Variants in DENND5B observed in about 807,000 individuals in gnomAD.
DENND5B encodes the protein DENN domain-containing protein 5B.
Under a neutral mutation model 140.6 loss-of-function variants are expected in DENND5B, and 34 were observed. That is an observed-to-expected ratio of 0.24 (90% CI 0.18 to 0.32). The LOEUF (loss-of-function observed/expected upper bound fraction) is 0.32, where lower values mean the gene tolerates loss of function less well. DENND5B is among the 10% of genes least tolerant of loss of function. DENND5B has a pLI of 1.00. For synonymous variants in DENND5B, 551 were observed against 562.1 expected (o/e 0.98, Z 0.28); for missense variants, 1,142 against 1,560.2 (o/e 0.73, Z 4.52).
chr12:31,535,040 C>T lies in DENND5B; in HGVS notation c.128-39121G>A, dbSNP rs1948433329. 2.8e-5 allele frequency: 6 copies of T among 210,926 alleles called. No homozygotes were observed. The South Asian group carries it at 3.4e-4, about 12-fold the overall frequency. 13.1% of individuals were successfully genotyped at this position (210,926 alleles called of 1,614,324 possible). ...AGTGAGCGCAGATTGCACCACTGCACCCAAGCCTGGGTGACAGAGCAAGAC... is the reference window on the plus strand; with the variant it reads ...AGTGAGCGCAGATTGCACCACTGCATCCAAGCCTGGGTGACAGAGCAAGAC... On this transcript the variant is annotated intron_variant, in intron 1 of 20. Transcript: ENST00000389082.
At chr12:31,463,751 T>TGAG (rs1323249032) in intron 3 of DENND5B, among the ~76,000 whole-genome samples, 1 of 152,170 alleles carries the variant, frequency 6.6e-6, no homozygotes, top group South Asian at 2.1e-4. Flanking sequence ...AACCTCCACT[T>TGAG]CCTGGGTTCA....
intron 1 of DENND5B, among the ~76,000 whole-genome samples, chr12:31,524,944 G>C (rs555512268): frequency 1.3e-5 from 2 of 152,166 alleles, no homozygotes; most frequent in African/African-American, 4.8e-5. Flanking sequence ...TACACCTCAT[G>C]AGAACATACA....
chr12:31,547,705 A>C (rs535855595), intron 1 of DENND5B, among the ~76,000 whole-genome samples: 8 of 151,410 alleles, frequency 5.3e-5, no homozygotes, highest in Non-Finnish European at 1.0e-4. Flanking sequence ...TCAAACTAAA[A>C]AGTTTGTTTT....
chr12:31,523,804 G>A (rs755635524), intron 1 of DENND5B, among the ~76,000 whole-genome samples: 38 of 152,162 alleles, frequency 2.5e-4, no homozygotes, highest in Non-Finnish European at 4.9e-4. Context: ...TGACACACTG[G>A]TTCTATAATG....
At chr12:31,570,884 G>A (rs1949800924) in intron 1 of DENND5B, among the ~76,000 whole-genome samples, 1 of 151,990 alleles carries the variant, frequency 6.6e-6, no homozygotes, top group African/African-American at 2.4e-5. Context: ...CTCATTTACA[G>A]AAAGGGTGAG....
At chr12:31,584,297 C>G (rs1407811455) in intron 1 of DENND5B, among the ~76,000 whole-genome samples, 1 of 152,216 alleles carries the variant, frequency 6.6e-6, no homozygotes, top group Non-Finnish European at 1.5e-5. Flanking sequence ...CCCTTGTCTT[C>G]CCAGTTGTCT....
intron 3 of DENND5B, among the ~76,000 whole-genome samples, chr12:31,467,478 A>G (rs1329762408): frequency 6.6e-6 from 1 of 151,930 alleles, no homozygotes; most frequent in Non-Finnish European, 1.5e-5. Flanking sequence ...AAAAAAAAAA[A>G]GTAAGAAAAA....
At chr12:31,546,160 T>C (rs1166373680) in intron 1 of DENND5B, among the ~76,000 whole-genome samples, 1 of 151,972 alleles carries the variant, frequency 6.6e-6, no homozygotes, top group African/African-American at 2.4e-5. Context: ...AGAAACTATA[T>C]ATATATGCTA....
At chr12:31,581,693 CAAAAAAAA>C (rs139320385) in intron 1 of DENND5B, among the ~76,000 whole-genome samples, 1 of 119,086 alleles carries the variant, frequency 8.4e-6, no homozygotes, top group African/African-American at 3.2e-5. Flanking sequence ...AACTCTGTCT[CAAAAAAAA>C]AAAAAAAAAA....
At chr12:31,588,475 G>GC (rs1365815535) in intron 1 of DENND5B, among the ~76,000 whole-genome samples, 31 of 152,176 alleles carry the variant, frequency 2.0e-4, no homozygotes, top group African/African-American at 7.2e-4. Flanking sequence ...TACAATGGTT[G>GC]CATCTGTACT....
In DENND5B at chr12:31,440,249, A is replaced by G. The variant is rs1447790391; in HGVS notation, c.2012+2526T>C. 3.3e-5 allele frequency among the ~76,000 whole-genome samples: 5 copies of G among 152,230 alleles called. No individual in the cohort carries two copies. In the East Asian group the frequency reaches 9.7e-4, roughly 29 times the overall value. ...ATGCTGGAGGTTATTCACAGACACAATCATTGCACGTCGTGGCTTCCAACT... is the reference window on the plus strand; with the variant it reads ...ATGCTGGAGGTTATTCACAGACACAGTCATTGCACGTCGTGGCTTCCAACT... On this transcript the variant is annotated intron_variant, in intron 7 of 20. Transcript: ENST00000389082.
chr12:31,488,877 T>C (rs1946409797), intron 2 of DENND5B, among the ~76,000 whole-genome samples: 1 of 152,150 alleles, frequency 6.6e-6, no homozygotes, highest in African/African-American at 2.4e-5. Flanking sequence ...ATTAGAGGTG[T>C]CACTGATGAT....
intron 1 of DENND5B, among the ~76,000 whole-genome samples, chr12:31,504,163 T>TA (rs1196594775): frequency 6.6e-6 from 1 of 152,250 alleles, no homozygotes; most frequent in Non-Finnish European, 1.5e-5. Context: ...GTTTGGACTT[T>TA]AAAGTCTACT....
At chr12:31,532,520 T>C (rs751697032) in intron 1 of DENND5B, among the ~76,000 whole-genome samples, 23 of 152,158 alleles carry the variant, frequency 1.5e-4, no homozygotes, top group Non-Finnish European at 3.2e-4. Context: ...GGCTTCACTA[T>C]GGAGAACACA....
intron 3 of DENND5B, among the ~76,000 whole-genome samples, chr12:31,466,570 G>A (rs1268397216): frequency 6.6e-6 from 1 of 152,084 alleles, no homozygotes; most frequent in Non-Finnish European, 1.5e-5. Flanking sequence ...GCATGCGCCT[G>A]TAGTCCCAGC....
intron 8 of DENND5B, chr12:31,432,927 CAGAA>C: frequency 8.5e-6 from 4 of 470,204 alleles, no homozygotes; most frequent in Non-Finnish European, 1.5e-5. Flanking sequence ...ATGTAATACA[CAGAA>C]AGACTTGTTT....
In DENND5B at chr12:31,467,907, CAGAG is replaced by C. The variant is rs138413551; in HGVS notation, c.905-7530_905-7527del. Among the ~76,000 whole-genome samples the C allele has an allele frequency of 4.5e-3, 684 of 151,650 alleles. 6 individuals are homozygous for C. The highest frequency in any genetic ancestry group is 0.015 in the African/African-American group (640 of 41,362). On this transcript the variant is annotated intron_variant, in intron 3 of 20. Coordinates refer to ENST00000389082, the MANE Select transcript of DENND5B (RefSeq NM_144973.4). ...TTAAATCAATTCAAAACATCAAAAA[CAGAG>C]AGAGAGAGAAAAGCAAGACAAATGG...
At chr12:31,415,866 G>A (rs1057482692) in intron 11 of DENND5B, among the ~76,000 whole-genome samples, 4 of 151,046 alleles carry the variant, frequency 2.6e-5, no homozygotes, top group East Asian at 1.9e-4. Flanking sequence ...ATGGAGTTTC[G>A]CTCTTGTTCT....
intron 1 of DENND5B, among the ~76,000 whole-genome samples, chr12:31,586,980 C>G (rs1950417864): frequency 6.6e-6 from 1 of 152,158 alleles, no homozygotes; most frequent in Non-Finnish European, 1.5e-5. Context: ...CAAGAAAATT[C>G]TTAGTTGAGA....
Sources: gnomAD v4.1 joint callset for allele counts (sites outside exome capture counted in the v4.1 genomes callset) on GRCh38, gnomAD v4.1.1 for gene constraint, MANE v1.5 for transcripts, NCBI Gene and HGNC (gene_info 2026-07-23, HGNC 2026-07-21) for gene names.